Variants in WDPCP observed in about 807,000 individuals in gnomAD.
The protein encoded by WDPCP is WD repeat-containing and planar cell polarity effector protein fritz homolog.
In WDPCP, 71 loss-of-function variants were observed where a neutral mutation model predicts 93.1. The observed-to-expected ratio is 0.76, with a 90% confidence interval of 0.63 to 0.93. WDPCP has a LOEUF of 0.93. Ranked by LOEUF, WDPCP falls within the 40% of genes least tolerant of loss-of-function variation. The pLI is 0.00. For missense variants in WDPCP, 844 were observed against 887.4 expected, an observed-to-expected ratio of 0.95 and a Z score of 0.62; for synonymous variants, 315 against 315.0, an observed-to-expected ratio of 1.00 and a Z score of 0.00.
chr2:63,582,348 G>A (rs907430920), intron 1 of WDPCP, among the ~76,000 whole-genome samples: 8 of 151,954 alleles, frequency 5.3e-5, no homozygotes, highest in African/African-American at 1.7e-4. Context: ...CCTAGCAACA[G>A]AAACTTTACA....
chr2:63,443,439 G>A (rs960673409), intron 6 of WDPCP, among the ~76,000 whole-genome samples: 3 of 152,148 alleles, frequency 2.0e-5, no homozygotes, highest in East Asian at 3.8e-4. Flanking sequence ...AAAGGAGTTC[G>A]AGGCAGAGAG....
intron 2 of WDPCP, among the ~76,000 whole-genome samples, chr2:63,665,152 T>C (rs547939857): frequency 2.6e-5 from 4 of 152,226 alleles, no homozygotes; most frequent in Non-Finnish European, 4.4e-5. Context: ...AGGGCTGCTG[T>C]AACAAACTAT....
At chr2:63,170,749 G>C (rs906604636) in intron 15 of WDPCP, among the ~76,000 whole-genome samples, 2 of 152,118 alleles carry the variant, frequency 1.3e-5, no homozygotes, top group African/African-American at 4.8e-5. Flanking sequence ...GTATGAAACT[G>C]TTCATCTTTT....
At chr2:63,207,178 G>C (rs1676403065) in intron 14 of WDPCP, among the ~76,000 whole-genome samples, 2 of 152,186 alleles carry the variant, frequency 1.3e-5, no homozygotes, top group Admixed American at 1.3e-4. Flanking sequence ...CATGTTGGCT[G>C]TTTGAATCTC....
At chr2:63,276,671 A>C (rs1683111877) in intron 13 of WDPCP, among the ~76,000 whole-genome samples, 1 of 152,180 alleles carries the variant, frequency 6.6e-6, no homozygotes, top group South Asian at 2.1e-4. Flanking sequence ...CCAATCCATC[A>C]AAGACAAAGA....
chr2:63,536,524 G>T (rs947873069), intron 1 of WDPCP, among the ~76,000 whole-genome samples: 2 of 152,104 alleles, frequency 1.3e-5, no homozygotes, highest in African/African-American at 4.8e-5. Context: ...GGAATACTAT[G>T]CAGCCATAAA....
At chr2:63,527,656 T>C (rs1344933301) in intron 1 of WDPCP, among the ~76,000 whole-genome samples, 1 of 152,104 alleles carries the variant, frequency 6.6e-6, no homozygotes, top group Non-Finnish European at 1.5e-5. Context: ...TCTTCACTAT[T>C]GTGAATAGTG....
chr2:63,129,910 A>G (rs1440959002), intron 17 of WDPCP, among the ~76,000 whole-genome samples: 1 of 152,192 alleles, frequency 6.6e-6, no homozygotes, highest in African/African-American at 2.4e-5. Context: ...ATACTGTATT[A>G]TTTAGGGAAT....
intron 1 of WDPCP, among the ~76,000 whole-genome samples, chr2:63,581,953 G>T (rs1708523639): frequency 6.6e-6 from 1 of 151,038 alleles, no homozygotes; most frequent in Non-Finnish European, 1.5e-5. Context: ...GGCTGCACTG[G>T]CCACTAGCTC....
rs527907192 is a variant in WDPCP at position 63,494,807 on chromosome 2, C to T, written c.76-1867G>A. Among the ~76,000 whole-genome samples the T allele has an allele frequency of 2.0e-5, 3 of 151,844 alleles. No individual in the cohort carries two copies. The East Asian group carries it at 5.8e-4, about 30-fold the overall frequency. On this transcript the variant is annotated intron_variant, in intron 1 of 17. Transcript: ENST00000272321. ...TGGTGGCGGGCGCCTGTAGTCCCAC[C>T]TACTCGGGAGGCTGAGGCAGGAGAA... is the stretch of plus-strand genomic sequence containing the variant.
At chr2:63,610,483 G>GA (rs1331887064) in intron 3 of WDPCP, among the ~76,000 whole-genome samples, 1 of 150,570 alleles carries the variant, frequency 6.6e-6, no homozygotes, top group African/African-American at 2.4e-5. Flanking sequence ...ATATACATTA[G>GA]AAAATCAATG....
intron 12 of WDPCP, among the ~76,000 whole-genome samples, chr2:63,357,177 C>G (rs1690081525): frequency 6.6e-6 from 1 of 152,006 alleles, no homozygotes; most frequent in Non-Finnish European, 1.5e-5. Context: ...CCATGGAAGA[C>G]AACCTAGGCA....
chr2:63,280,225 C>T (rs1204270613), intron 13 of WDPCP, among the ~76,000 whole-genome samples: 1 of 152,178 alleles, frequency 6.6e-6, no homozygotes, highest in East Asian at 1.9e-4. Flanking sequence ...ATTGGACTTA[C>T]AGCTCCATAT....
intron 3 of WDPCP, among the ~76,000 whole-genome samples, chr2:63,614,943 G>T (rs1296118082): frequency 1.3e-5 from 2 of 152,182 alleles, no homozygotes; most frequent in Non-Finnish European, 2.9e-5. Flanking sequence ...TAGGTTTGGG[G>T]ATTTTCATTC....
At chr2:63,430,562 T>C (rs936208251) in intron 9 of WDPCP, among the ~76,000 whole-genome samples, 1 of 152,202 alleles carries the variant, frequency 6.6e-6, no homozygotes. Flanking sequence ...ACTACATAAT[T>C]CTCTCTGTTC....
intron 1 of WDPCP, among the ~76,000 whole-genome samples, chr2:63,552,182 A>G (rs1705724873): frequency 6.7e-6 from 1 of 149,864 alleles, no homozygotes; most frequent in East Asian, 2.0e-4. Flanking sequence ...GTGAAAAGTT[A>G]TTTCACTAGT....
chr2:63,338,561 AAAAAAAAAATATATATATATATAT>A (rs1183798616), intron 12 of WDPCP, among the ~76,000 whole-genome samples: 1,507 of 74,682 alleles, frequency 0.02, 118 homozygotes, highest in African/African-American at 0.057. Context: ...TAAAAAAAAA[AAAAAAAAAATATATATATATATAT>A]ATATATATAT....
At position 63,233,466 on chromosome 2, in the gene WDPCP, T is replaced by A. The variant is rs76396692; in HGVS notation, c.1915+25841A>T. 979 of 181,182 alleles carry A rather than the reference T, an allele frequency of 5.4e-3. 6 individuals carry two copies. The highest frequency in any genetic ancestry group is 9.5e-3 in the Non-Finnish European group (800 of 84,514). The allele number at this position is 181,182 out of a possible 1,614,324, so 11.2% of individuals were successfully genotyped here. A position where few individuals can be genotyped will look rare whatever the true frequency, so the allele number is the denominator to read the frequency against. Reference sequence around the variant, plus strand: ...GGAAGTATTTTCCCAATAATACAAATGATATTCCTACTTGATCCACATTCT... The same window carrying A: ...GGAAGTATTTTCCCAATAATACAAAAGATATTCCTACTTGATCCACATTCT... On this transcript the variant is annotated intron_variant, in intron 14 of 17. Transcript: ENST00000272321.
At chr2:63,369,937 A>C (rs1406467067) in intron 12 of WDPCP, among the ~76,000 whole-genome samples, 2 of 152,216 alleles carry the variant, frequency 1.3e-5, no homozygotes, top group Non-Finnish European at 2.9e-5. Flanking sequence ...AATGCTGTTA[A>C]AGGAAACCAG....
Sources: gnomAD v4.1 joint callset for allele counts (sites outside exome capture counted in the v4.1 genomes callset) on GRCh38, gnomAD v4.1.1 for gene constraint, MANE v1.5 for transcripts, NCBI Gene and HGNC (gene_info 2026-07-23, HGNC 2026-07-21) for gene names.